The following KIAA1671 variants were observed in gnomAD, a reference collection of about 807,000 sequenced individuals.
The protein encoded by KIAA1671 is KIAA1671.
KIAA1671 carries 52 observed loss-of-function variants against 131.2 expected under a neutral mutation model. The ratio of observed to expected loss-of-function variants is 0.40; its 90% CI spans 0.32 to 0.50. KIAA1671 has a LOEUF of 0.50. KIAA1671 is among the 20% of genes least tolerant of loss of function. KIAA1671 has a pLI of 0.73. For missense variants in KIAA1671, 2,360 were observed against 2,364.2 expected (o/e 1.00, Z 0.04); for synonymous variants, 1,003 against 961.6 (o/e 1.04, Z -0.80).
chr22:24,988,492 A>G (rs1923671582), intron 1 of KIAA1671, among the ~76,000 whole-genome samples: 1 of 151,764 alleles, frequency 6.6e-6, no homozygotes, highest in Admixed American at 6.6e-5. Flanking sequence ...TGTAATCCTA[A>G]CACTTTGGGA....
chr22:25,062,650 G>T (rs977386868), intron 6 of KIAA1671: 5 of 152,468 alleles, frequency 3.3e-5, no homozygotes, highest in African/African-American at 1.2e-4. Context: ...TTTTCGACTG[G>T]GCTGCTGCTT....
chr22:25,021,987 C>T (rs1389275988), intron 1 of KIAA1671, among the ~76,000 whole-genome samples: 2 of 152,004 alleles, frequency 1.3e-5, no homozygotes, highest in African/African-American at 2.4e-5. Context: ...GGGGTTTCAC[C>T]GTGGTCTCGA....
intron 6 of KIAA1671, among the ~76,000 whole-genome samples, chr22:25,156,088 C>T (rs1413336731): frequency 1.7e-5 from 2 of 115,808 alleles, no homozygotes; most frequent in Non-Finnish European, 3.3e-5. Flanking sequence ...GTGGCGTGAT[C>T]TCGGCTCACT....
intron 6 of KIAA1671, among the ~76,000 whole-genome samples, chr22:25,146,537 T>C (rs1263579246): frequency 6.6e-6 from 1 of 152,150 alleles, no homozygotes; most frequent in African/African-American, 2.4e-5. Context: ...GTAGAATATG[T>C]GGGGGCAAGG....
intron 6 of KIAA1671, among the ~76,000 whole-genome samples, chr22:25,163,404 A>G (rs1933525075): frequency 7.8e-6 from 1 of 128,540 alleles, no homozygotes; most frequent in African/African-American, 3.0e-5. Flanking sequence ...CTGTGACAGT[A>G]AATATTACTT....
At chr22:24,955,303 G>A (rs1921635805) in intron 1 of KIAA1671, among the ~76,000 whole-genome samples, 1 of 152,226 alleles carries the variant, frequency 6.6e-6, no homozygotes, top group East Asian at 1.9e-4. Context: ...ACATCCTTAA[G>A]GGGATACTTT....
intron 6 of KIAA1671, chr22:25,062,009 C>A (rs1005083930): frequency 1.3e-5 from 2 of 151,890 alleles, no homozygotes; most frequent in Non-Finnish European, 2.9e-5. Context: ...CTTCCTCTTC[C>A]ATTTTTATCT....
intron 6 of KIAA1671, among the ~76,000 whole-genome samples, chr22:25,142,004 G>A (rs1341817356): frequency 6.6e-6 from 1 of 152,214 alleles, no homozygotes; most frequent in African/African-American, 2.4e-5. Flanking sequence ...AATGAGGAGA[G>A]ATGGGATGGG....
intron 6 of KIAA1671, among the ~76,000 whole-genome samples, chr22:25,150,989 C>T (rs562230406): frequency 3.9e-5 from 6 of 152,126 alleles, no homozygotes; most frequent in South Asian, 4.2e-4. Flanking sequence ...CCCGCCTCCA[C>T]GCCCGGCTAA....
chr22:25,114,554 G>A (rs925655771), intron 6 of KIAA1671, among the ~76,000 whole-genome samples: 1 of 152,242 alleles, frequency 6.6e-6, no homozygotes, highest in African/African-American at 2.4e-5. Context: ...CCAGCTGTGT[G>A]ATCTTGGACA....
intron 1 of KIAA1671, among the ~76,000 whole-genome samples, chr22:24,966,533 A>G (rs1431014147): frequency 1.3e-5 from 2 of 152,058 alleles, no homozygotes; most frequent in Admixed American, 6.5e-5. Flanking sequence ...TTTCCCTTTC[A>G]TTTTAGGCCC....
At chr22:25,070,562 G>A (rs890538125) in intron 6 of KIAA1671, 1 of 398,958 alleles carries the variant, frequency 2.5e-6, no homozygotes, top group African/African-American at 2.1e-5. Context: ...ACAAGGAAGA[G>A]AGAATGTTGG....
Position 25,187,415 on chromosome 22 carries a change from C to T in KIAA1671, c.5342+2296C>T, listed in dbSNP as rs147938418. On this transcript the variant is annotated intron_variant, in intron 11 of 12. Transcript: ENST00000358431. ...ACGACGTTTGCGTAGTTTGATTCCC[C>T]TGCTCCATGTTCCATATGAATGTTT... is the stretch of plus-strand genomic sequence containing the variant. 2.8e-3 allele frequency among the ~76,000 whole-genome samples: 426 copies of T among 152,330 alleles called. 3 individuals carry two copies. The highest frequency in any genetic ancestry group is 4.1e-3 in the Non-Finnish European group (278 of 68,032).
intron 6 of KIAA1671, among the ~76,000 whole-genome samples, chr22:25,091,396 TTGA>T (rs1192879887): frequency 1.3e-5 from 2 of 152,158 alleles, no homozygotes; most frequent in African/African-American, 4.8e-5. Context: ...TGTTTGTTTG[TTGA>T]TGATGGTGAT....
chr22:25,142,596 G>T (rs1233440701), intron 6 of KIAA1671, among the ~76,000 whole-genome samples: 3 of 152,236 alleles, frequency 2.0e-5, no homozygotes, highest in Non-Finnish European at 4.4e-5. Context: ...GATGGACCGG[G>T]CATGGTGGCT....
intron 1 of KIAA1671, among the ~76,000 whole-genome samples, chr22:24,982,899 G>A (rs1035563860): frequency 6.6e-6 from 1 of 152,226 alleles, no homozygotes; most frequent in African/African-American, 2.4e-5. Flanking sequence ...CCTGGGTGCT[G>A]GTTTCCCTGG....
chr22:24,979,333 A>ATTTT (rs1569197107), intron 1 of KIAA1671, among the ~76,000 whole-genome samples: 2 of 130,918 alleles, frequency 1.5e-5, no homozygotes, highest in Admixed American at 7.8e-5. Context: ...TTAATAATTT[A>ATTTT]TTTTATTTAT....
intron 6 of KIAA1671, among the ~76,000 whole-genome samples, chr22:25,088,958 A>C (rs1929878422): frequency 6.6e-6 from 1 of 152,216 alleles, no homozygotes; most frequent in Non-Finnish European, 1.5e-5. Flanking sequence ...GATTCAACCA[A>C]CCATAGATCA....
chr22:25,191,972 T>C (rs1214558056), intron 12 of KIAA1671, among the ~76,000 whole-genome samples: 1 of 152,182 alleles, frequency 6.6e-6, no homozygotes, highest in Non-Finnish European at 1.5e-5. Flanking sequence ...TATATACATA[T>C]GTGTATATAT....
Sources: allele counts gnomAD v4.1 joint callset (sites outside exome capture counted in the v4.1 genomes callset), GRCh38; gene constraint gnomAD v4.1.1; transcripts MANE v1.5; gene names NCBI Gene and HGNC (gene_info 2026-07-23, HGNC 2026-07-21).